The following SLC24A2 variants were observed in gnomAD, a reference collection of about 807,000 sequenced individuals.
The protein encoded by SLC24A2 is sodium/potassium/calcium exchanger 2.
SLC24A2 carries 36 observed loss-of-function variants against 62.0 expected under a neutral mutation model. The observed-to-expected ratio is 0.58, with a 90% confidence interval of 0.44 to 0.77. The LOEUF is 0.77. SLC24A2 is among the 30% of genes least tolerant of loss of function. SLC24A2 has a pLI of 0.00. For synonymous variants in SLC24A2, 358 were observed against 294.0 expected, an observed-to-expected ratio of 1.22 and a Z score of -2.23; for missense variants, 846 against 817.9, an observed-to-expected ratio of 1.03 and a Z score of -0.42.
At chr9:20,263,175 T>C in the SLC24A2 span, among the ~76,000 whole-genome samples, 1 of 152,206 alleles carries the variant, frequency 6.6e-6, no homozygotes, top group Non-Finnish European at 1.5e-5. Context: ...TGTTCTGAGG[T>C]TAACCTGGAA....
At chr9:20,034,025 T>C in the SLC24A2 span, among the ~76,000 whole-genome samples, 6 of 152,140 alleles carry the variant, frequency 3.9e-5, no homozygotes, top group African/African-American at 1.4e-4. Flanking sequence ...TAGATATTTT[T>C]CCAAACTGGA....
At position 19,509,020 on chromosome 9, in the gene SLC24A2, A is replaced by G. The variant is rs932766764; in HGVS notation, c.*7133T>C. 1 of 152,198 alleles carries G rather than the reference A, an allele frequency of 6.6e-6. No individual in the cohort carries two copies. Among genetic ancestry groups the G allele is most frequent in the Non-Finnish European group, 1.5e-5 (1 of 68,032 alleles). 9.4% of individuals were successfully genotyped at this position (152,198 alleles called of 1,614,324 possible). On this transcript the variant is annotated 3_prime_UTR_variant, in exon 11 of 11. Transcript: ENST00000341998. Reference sequence around the variant, plus strand: ...TTTAGGCATAAGGAATTATTGATAAATTGTATACCTCTATTTCCCATTTTT... The same window carrying G: ...TTTAGGCATAAGGAATTATTGATAAGTTGTATACCTCTATTTCCCATTTTT...
At chr9:20,228,710 G>T in the SLC24A2 span, among the ~76,000 whole-genome samples, 2 of 152,126 alleles carry the variant, frequency 1.3e-5, no homozygotes, top group African/African-American at 4.8e-5. Context: ...CCTTAGGAGG[G>T]TATAACCAGT....
the SLC24A2 span, among the ~76,000 whole-genome samples, chr9:20,106,488 AG>A: frequency 2.6e-5 from 4 of 152,330 alleles, no homozygotes; most frequent in African/African-American, 9.6e-5. Flanking sequence ...CACATCAAAA[AG>A]CTTATCTACC....
chr9:19,678,024 C>G (rs1819609896), intron 2 of SLC24A2, among the ~76,000 whole-genome samples: 1 of 152,156 alleles, frequency 6.6e-6, no homozygotes, highest in African/African-American at 2.4e-5. Context: ...GGTCTTAAAT[C>G]TTATCTCTGT....
the SLC24A2 span, among the ~76,000 whole-genome samples, chr9:20,229,037 A>G: frequency 1.3e-5 from 2 of 152,280 alleles, no homozygotes; most frequent in African/African-American, 4.8e-5. Context: ...GAGGTGTGAC[A>G]TAACTGTGTT....
At chr9:19,917,688 A>G in the SLC24A2 span, among the ~76,000 whole-genome samples, 12,786 of 152,168 alleles carry the variant, frequency 0.084, 675 homozygotes, top group South Asian at 0.18. Flanking sequence ...TCTAACAAAT[A>G]CTTAACAAAC....
the SLC24A2 span, among the ~76,000 whole-genome samples, chr9:19,876,263 TC>T: frequency 2.0e-5 from 3 of 152,136 alleles, no homozygotes; most frequent in Non-Finnish European, 2.9e-5. Flanking sequence ...TGAATTAAAA[TC>T]CTGAGGATAT....
chr9:19,720,596 G>C (rs1362696096), intron 2 of SLC24A2, among the ~76,000 whole-genome samples: 1 of 151,858 alleles, frequency 6.6e-6, no homozygotes, highest in Non-Finnish European at 1.5e-5. Flanking sequence ...TGTCCATGGT[G>C]CTTAAGAATT....
At chr9:19,577,436 A>G (rs1167552996) in intron 5 of SLC24A2, among the ~76,000 whole-genome samples, 2 of 152,202 alleles carry the variant, frequency 1.3e-5, no homozygotes, top group East Asian at 3.8e-4. Flanking sequence ...ATTTGACTTC[A>G]GTTTTCAAAC....
intron 2 of SLC24A2, among the ~76,000 whole-genome samples, chr9:19,648,720 G>C (rs911737558): frequency 1.3e-5 from 2 of 152,160 alleles, no homozygotes; most frequent in Non-Finnish European, 2.9e-5. Context: ...TCTAATTAAA[G>C]AGGACACTTT....
At chr9:20,106,832 T>C in the SLC24A2 span, among the ~76,000 whole-genome samples, 7 of 152,064 alleles carry the variant, frequency 4.6e-5, no homozygotes, top group African/African-American at 1.7e-4. Context: ...CAACACAGTG[T>C]TGGAAGTTCT....
At chr9:19,898,741 CA>C in the SLC24A2 span, among the ~76,000 whole-genome samples, 3,754 of 97,038 alleles carry the variant, frequency 0.039, 91 homozygotes, top group African/African-American at 0.12. Flanking sequence ...GACTCCATCT[CA>C]AAAAAAAAAA....
At chr9:19,519,595 C>G (rs953343609) in intron 10 of SLC24A2, among the ~76,000 whole-genome samples, 4 of 152,164 alleles carry the variant, frequency 2.6e-5, no homozygotes, top group African/African-American at 4.8e-5. Context: ...CCCACAAACA[C>G]TTGTCAAACA....
the SLC24A2 span, among the ~76,000 whole-genome samples, chr9:20,077,424 T>C: frequency 2.0e-5 from 3 of 152,196 alleles, no homozygotes; most frequent in Non-Finnish European, 2.9e-5. Context: ...TAATACAATT[T>C]ATTTCTTAAA....
At chr9:19,559,283 T>G (rs1835275313) in intron 7 of SLC24A2, among the ~76,000 whole-genome samples, 1 of 152,246 alleles carries the variant, frequency 6.6e-6, no homozygotes, top group Admixed American at 6.5e-5. Context: ...AAAAATTTTG[T>G]ACCTCCATCT....
At chr9:20,285,621 C>A in the SLC24A2 span, among the ~76,000 whole-genome samples, 1,168 of 152,258 alleles carry the variant, frequency 7.7e-3, 12 homozygotes, top group African/African-American at 0.026. Flanking sequence ...CTCCATCTAC[C>A]AATTTAAATG....
chr9:20,238,954 C>T, the SLC24A2 span, among the ~76,000 whole-genome samples: 1 of 152,278 alleles, frequency 6.6e-6, no homozygotes, highest in Admixed American at 6.5e-5. Context: ...AGAGAAAAGG[C>T]CACGGGAGGG....
chr9:20,072,614 A>G, the SLC24A2 span, among the ~76,000 whole-genome samples: 1 of 152,100 alleles, frequency 6.6e-6, no homozygotes, highest in Non-Finnish European at 1.5e-5. Flanking sequence ...ATATCTTGAG[A>G]TGGGAAGATT....
Sources: gnomAD v4.1 joint callset for allele counts (sites outside exome capture counted in the v4.1 genomes callset) on GRCh38, gnomAD v4.1.1 for gene constraint, MANE v1.5 for transcripts, NCBI Gene and HGNC (gene_info 2026-07-23, HGNC 2026-07-21) for gene names.